Variants in TENM3 observed in about 807,000 individuals in gnomAD.
TENM3 encodes the protein teneurin-3.
A neutral mutation model predicts 255.1 loss-of-function variants in TENM3; 63 were observed. The ratio of observed to expected loss-of-function variants is 0.25; its 90% CI spans 0.20 to 0.30. The LOEUF (loss-of-function observed/expected upper bound fraction) is 0.30, where lower values mean the gene tolerates loss of function less well. Among genes scored for constraint, TENM3 ranks in the 10% least tolerant of loss-of-function variants. TENM3 has a pLI of 1.00. For missense variants in TENM3, 2,929 were observed against 3,461.1 expected (o/e 0.85, Z 3.86); for synonymous variants, 1,306 against 1,322.3 (o/e 0.99, Z 0.27).
At chr4:182,483,543 C>A (rs1386563199) in intron 3 of TENM3, among the ~76,000 whole-genome samples, 1 of 152,090 alleles carries the variant, frequency 6.6e-6, no homozygotes. Context: ...ATACTAATAA[C>A]AAAAGGAGCA....
chr4:182,238,370 A>G (rs1249695612), intron 1 of TENM3, among the ~76,000 whole-genome samples: 1 of 152,234 alleles, frequency 6.6e-6, no homozygotes, highest in East Asian at 1.9e-4. Flanking sequence ...CTCTCTGACC[A>G]GAACGTTTTC....
chr4:182,490,605 G>A (rs1735202611), intron 3 of TENM3, among the ~76,000 whole-genome samples: 1 of 152,166 alleles, frequency 6.6e-6, no homozygotes, highest in Non-Finnish European at 1.5e-5. Context: ...GAATGGGATG[G>A]AGTGCTCAAA....
chr4:181,662,722 A>C, the TENM3 span, among the ~76,000 whole-genome samples: 1 of 152,238 alleles, frequency 6.6e-6, no homozygotes, highest in East Asian at 1.9e-4. Context: ...TCCATGGAAC[A>C]ATAAACAACT....
At chr4:182,546,438 T>G (rs1007228391) in intron 3 of TENM3, among the ~76,000 whole-genome samples, 1 of 151,850 alleles carries the variant, frequency 6.6e-6, no homozygotes, top group Non-Finnish European at 1.5e-5. Flanking sequence ...ACCATTTTTT[T>G]TTGTTGTTTG....
intron 1 of TENM3, among the ~76,000 whole-genome samples, chr4:182,308,425 T>C (rs1363818491): frequency 6.6e-6 from 1 of 152,136 alleles, no homozygotes; most frequent in African/African-American, 2.4e-5. Flanking sequence ...CAAGTGATCC[T>C]TCCACCCCAG....
At chr4:182,340,372 C>T (rs930083721) in intron 2 of TENM3, among the ~76,000 whole-genome samples, 3 of 152,104 alleles carry the variant, frequency 2.0e-5, no homozygotes, top group African/African-American at 4.8e-5. Flanking sequence ...TCATTTTCAG[C>T]GTCCTCTGGA....
chr4:181,938,277 A>G, the TENM3 span, among the ~76,000 whole-genome samples: 12 of 152,344 alleles, frequency 7.9e-5, no homozygotes, highest in East Asian at 2.3e-3. Context: ...GGGGCACGTC[A>G]TAATACTCCA....
chr4:182,399,961 AT>A (rs956096131), intron 3 of TENM3, among the ~76,000 whole-genome samples: 3 of 152,138 alleles, frequency 2.0e-5, no homozygotes, highest in African/African-American at 7.2e-5. Context: ...TATTTTAAAA[AT>A]TGAAGTTTAG....
intron 12 of TENM3, among the ~76,000 whole-genome samples, chr4:182,700,407 C>G (rs1757759844): frequency 6.6e-6 from 1 of 152,178 alleles, no homozygotes; most frequent in Non-Finnish European, 1.5e-5. Context: ...CAGTCCCTCT[C>G]CCACCTCCCT....
chr4:181,604,483 C>A, the TENM3 span, among the ~76,000 whole-genome samples: 1 of 152,074 alleles, frequency 6.6e-6, no homozygotes, highest in Admixed American at 6.6e-5. Flanking sequence ...CTTCCCCCAC[C>A]CTCTTACTTA....
chr4:182,692,555 T>C (rs1018181331), intron 12 of TENM3, among the ~76,000 whole-genome samples: 3 of 152,204 alleles, frequency 2.0e-5, no homozygotes, highest in Admixed American at 6.5e-5. Context: ...AAAAGAAGAC[T>C]CAGCTCTCTG....
chr4:182,733,144 T>C (rs1032375876), intron 16 of TENM3, among the ~76,000 whole-genome samples: 1 of 152,184 alleles, frequency 6.6e-6, no homozygotes, highest in Admixed American at 6.5e-5. Context: ...CATAGTATAG[T>C]TTGAGAAAAT....
intron 3 of TENM3, among the ~76,000 whole-genome samples, chr4:182,563,621 A>G (rs1370952695): frequency 3.9e-5 from 6 of 152,194 alleles, no homozygotes; most frequent in African/African-American, 1.4e-4. Flanking sequence ...TAACAATACT[A>G]TGATGTAGCA....
At chr4:182,655,949 G>A (rs768140603) in intron 6 of TENM3, among the ~76,000 whole-genome samples, 2 of 152,016 alleles carry the variant, frequency 1.3e-5, no homozygotes, top group South Asian at 2.1e-4. Flanking sequence ...TTTAACAAAC[G>A]CCACTTGCAA....
chr4:182,142,238 C>T (rs527800764), upstream of TENM3: 1 of 152,186 alleles, frequency 6.6e-6, no homozygotes, highest in East Asian at 1.9e-4. Context: ...TGGATCTATC[C>T]CAGGGCGACT....
At chr4:182,422,924 T>C (rs2151146822) in intron 3 of TENM3, among the ~76,000 whole-genome samples, 1 of 152,284 alleles carries the variant, frequency 6.6e-6, no homozygotes, top group Non-Finnish European at 1.5e-5. Context: ...GTTGCGGAGC[T>C]CACGGAGCTC....
intron 3 of TENM3, among the ~76,000 whole-genome samples, chr4:182,431,148 A>C (rs1771611268): frequency 6.6e-6 from 1 of 152,010 alleles, no homozygotes; most frequent in South Asian, 2.1e-4. Flanking sequence ...TATTACAAAG[A>C]ACCAGGTATA....
At chr4:181,472,899 A>G in the TENM3 span, among the ~76,000 whole-genome samples, 1 of 152,194 alleles carries the variant, frequency 6.6e-6, no homozygotes, top group Admixed American at 6.5e-5. Flanking sequence ...GAATTCTTAC[A>G]AGAATAAATG....
chr4:182,689,146 AT>A (rs2152578578), intron 12 of TENM3, among the ~76,000 whole-genome samples: 1 of 152,350 alleles, frequency 6.6e-6, no homozygotes, highest in Non-Finnish European at 1.5e-5. Flanking sequence ...AAATTTCTAT[AT>A]CACTTCAGTG....
Sources: gnomAD v4.1 joint callset for allele counts (sites outside exome capture counted in the v4.1 genomes callset) on GRCh38, gnomAD v4.1.1 for gene constraint, MANE v1.5 for transcripts, NCBI Gene and HGNC (gene_info 2026-07-23, HGNC 2026-07-21) for gene names.